The following C5orf63 variants were observed in gnomAD, a reference collection of about 807,000 sequenced individuals.
C5orf63 encodes the protein chromosome 5 open reading frame 63.
In C5orf63, 18 loss-of-function variants were observed where a neutral mutation model predicts 13.3. The ratio of observed to expected loss-of-function variants is 1.36; its 90% CI spans 0.94 to 2.01. The LOEUF (loss-of-function observed/expected upper bound fraction) is 2.01. C5orf63 is among the 30% of genes most tolerant of loss of function. The probability of loss-of-function intolerance (pLI) is 0.00; values close to 1 mark genes in which losing one functional copy is unlikely to be tolerated. For synonymous variants in C5orf63, 38 were observed against 44.7 expected, an observed-to-expected ratio of 0.85 and a Z score of 0.60; for missense variants, 118 against 127.7, an observed-to-expected ratio of 0.92 and a Z score of 0.36.
downstream of C5orf63, chr5:127,042,816 T>A (rs186710160): frequency 7.9e-5 from 12 of 152,334 alleles, no homozygotes; most frequent in Admixed American, 4.6e-4. Context: ...GGTGAAGCGA[T>A]GTCTCCATTT....
intron 2 of C5orf63, among the ~76,000 whole-genome samples, chr5:127,059,930 G>A (rs1481127866): frequency 2.6e-5 from 4 of 151,758 alleles, no homozygotes; most frequent in East Asian, 1.9e-4. Flanking sequence ...ACCTGGGGTC[G>A]GGAGTTTGAG....
exon 5 of C5orf63, chr5:127,045,795 T>A (rs1753509077): frequency 6.6e-6 from 1 of 152,250 alleles, no homozygotes; most frequent in African/African-American, 2.4e-5. Flanking sequence ...TTATTGTCTG[T>A]CTCTCCCTTA....
chr5:127,057,494 A>T (rs895472733), intron 3 of C5orf63, among the ~76,000 whole-genome samples: 7 of 152,250 alleles, frequency 4.6e-5, no homozygotes, highest in African/African-American at 1.7e-4. Context: ...TAAATATTTT[A>T]AAACTAGCTT....
chr5:127,058,751 G>A (rs1166441713), intron 3 of C5orf63, 131 bp downstream of exon 3: 5 of 623,838 alleles, frequency 8.0e-6, no homozygotes, highest in Non-Finnish European at 1.1e-5. Context: ...AGTTGCTGCT[G>A]TTGTGCTGAT....
chr5:127,050,317 T>C (rs1473121709), downstream of C5orf63, among the ~76,000 whole-genome samples: 6 of 152,170 alleles, frequency 3.9e-5, no homozygotes, highest in Admixed American at 2.6e-4. Flanking sequence ...AACACTGCTA[T>C]TCAATTGCTA....
chr5:127,059,728 C>CAAAAAA (rs58498141), intron 2 of C5orf63, among the ~76,000 whole-genome samples: 2 of 99,222 alleles, frequency 2.0e-5, no homozygotes, highest in Admixed American at 1.2e-4. Flanking sequence ...GATCTTATCT[C>CAAAAAA]AAAAAAAAAA....
chr5:127,073,455 G>A lies in C5orf63; in HGVS notation c.-114C>T, dbSNP rs1330399700. 2 of 152,324 alleles carry A rather than the reference G, an allele frequency of 1.3e-5. No homozygotes were observed. Among genetic ancestry groups the A allele is most frequent in the Non-Finnish European group, 2.9e-5 (2 of 68,142 alleles). 9.4% of individuals were successfully genotyped at this position (152,324 alleles called of 1,614,324 possible). On this transcript the variant is annotated 5_prime_UTR_variant, in exon 1 of 5. Transcript: ENST00000296662. ...CGCGGGACTAAGGGAACCCACCTGA[G>A]CCTCACGCCGCCAACGCCTCTGCTT...
chr5:127,069,016 A>G (rs1754432700), intron 2 of C5orf63, among the ~76,000 whole-genome samples: 1 of 152,186 alleles, frequency 6.6e-6, no homozygotes, highest in East Asian at 1.9e-4. Flanking sequence ...CCAGAGCAGC[A>G]TATTCCAAAT....
intron 3 of C5orf63, among the ~76,000 whole-genome samples, chr5:127,054,976 C>T (rs901347308): frequency 6.6e-6 from 1 of 152,142 alleles, no homozygotes; most frequent in Admixed American, 6.5e-5. Context: ...TTTCCCAGCA[C>T]CATTTATTAA....
downstream of C5orf63, among the ~76,000 whole-genome samples, chr5:127,048,856 T>C (rs1401778334): frequency 2.0e-5 from 3 of 152,198 alleles, no homozygotes; most frequent in East Asian, 5.8e-4. Context: ...ATGGATTTTC[T>C]CCATCTTAGT....
At chr5:127,060,211 T>C (rs1382801795) in intron 2 of C5orf63, among the ~76,000 whole-genome samples, 1 of 152,076 alleles carries the variant, frequency 6.6e-6, no homozygotes, top group Non-Finnish European at 1.5e-5. Context: ...CAGGCTGAAT[T>C]ACCTTGTCAG....
chr5:127,045,709 C>T (rs1753507587), exon 5 of C5orf63: 1 of 152,178 alleles, frequency 6.6e-6, no homozygotes, highest in African/African-American at 2.4e-5. Flanking sequence ...AACTCTCTTG[C>T]TATTTGATAC....
intron 3 of C5orf63, among the ~76,000 whole-genome samples, chr5:127,058,234 C>T (rs1753963052): frequency 1.3e-5 from 2 of 152,066 alleles, no homozygotes; most frequent in African/African-American, 4.8e-5. Flanking sequence ...TCATTCCCCT[C>T]TTTGTGTGCA....
intron 3 of C5orf63, among the ~76,000 whole-genome samples, chr5:127,052,926 T>A (rs1753736877): frequency 2.0e-5 from 3 of 152,228 alleles, no homozygotes; most frequent in South Asian, 4.1e-4. Flanking sequence ...GCCATCTATC[T>A]ATGTGTATAT....
At position 127,057,564 on chromosome 5, in the gene C5orf63, T is replaced by C. The variant is rs537419955; in HGVS notation, c.114+1318A>G. Among the ~76,000 whole-genome samples the C allele has an allele frequency of 2.6e-5, 4 of 152,386 alleles. No homozygotes were observed. In the South Asian group the frequency reaches 8.3e-4, roughly 32 times the overall value. On this transcript the variant is annotated intron_variant, in intron 3 of 4. Transcript: ENST00000296662. ...AACTATAATCAGTCCTCATTATTTA[T>C]GGATTCCATATTTATGAATTTGCCT...
chr5:127,044,037 G>C (rs1226382852), downstream of C5orf63: 3 of 152,238 alleles, frequency 2.0e-5, no homozygotes, highest in Non-Finnish European at 2.9e-5. Context: ...TCTGAGGAGA[G>C]CTGGGTCACA....
downstream of C5orf63, chr5:127,042,682 G>C (rs1753431942): frequency 6.6e-6 from 1 of 151,914 alleles, no homozygotes; most frequent in Non-Finnish European, 1.5e-5. Flanking sequence ...TTTGTGAGCA[G>C]AAGGAATCAT....
downstream of C5orf63, among the ~76,000 whole-genome samples, chr5:127,048,521 A>AGAG (rs1343535669): frequency 6.6e-6 from 1 of 152,002 alleles, no homozygotes. Flanking sequence ...AAAATTAGTG[A>AGAG]GAGGACATCT....
chr5:127,052,040 C>A, intron 4 of C5orf63, 93 bp from the exon 5 acceptor site: 1 of 1,020,004 alleles, frequency 9.8e-7, no homozygotes, highest in Non-Finnish European at 1.3e-6. Context: ...ATTTCTAATG[C>A]CATTTTCCTT....
Sources: allele counts gnomAD v4.1 joint callset (sites outside exome capture counted in the v4.1 genomes callset), GRCh38; gene constraint gnomAD v4.1.1; transcripts MANE v1.5; gene names NCBI Gene and HGNC (gene_info 2026-07-23, HGNC 2026-07-21).